Variants in UBE2L6 observed in about 807,000 individuals in gnomAD.
The protein encoded by UBE2L6 is ubiquitin/ISG15-conjugating enzyme E2 L6.
A neutral mutation model predicts 13.6 loss-of-function variants in UBE2L6; 11 were observed. The observed-to-expected ratio is 0.81, with a 90% confidence interval of 0.51 to 1.34. The LOEUF (loss-of-function observed/expected upper bound fraction) is 1.34, where lower values mean the gene tolerates loss of function less well. UBE2L6 is among the 40% of genes most tolerant of loss of function. The pLI, the probability that UBE2L6 is intolerant of heterozygous loss-of-function variation, is 0.00. For missense variants in UBE2L6, 197 were observed against 199.5 expected, an observed-to-expected ratio of 0.99 and a Z score of 0.07; for synonymous variants, 74 against 83.2, an observed-to-expected ratio of 0.89 and a Z score of 0.60.
chr11:57,552,447 G>C lies in UBE2L6; in HGVS notation c.373C>G (p.Leu125Val), dbSNP rs756289971. 1.2e-6 allele frequency: 2 copies of C among 1,614,172 alleles called. No homozygotes were observed. The highest frequency in any genetic ancestry group is 2.2e-5 in the South Asian group (2 of 91,086). Reference protein sequence around the residue: ...PNIREPLRMDLADLLTQNPEL... With the variant: ...PNIREPLRMDVADLLTQNPEL... ...GGATTCTGTGTCAGCAGGTCAGCGA[G>C]GTCCATCCGCAGGGGCTCCCTGATA... Residue 125 changes from leucine to valine, a missense_variant, in exon 4 of 4, where the codon CTC (leucine) becomes GTC (valine). By Grantham distance (32) the Leu-to-Val change is conservative. Coordinates refer to ENST00000287156, the MANE Select transcript of UBE2L6 (RefSeq NM_004223.5).
rs1007914900 is a variant in UBE2L6, at chr11:57,564,758, G to C, written c.27+2827C>G. On this transcript the variant is annotated intron_variant, in intron 1 of 3. Coordinates refer to ENST00000287156, the MANE Select transcript of UBE2L6 (RefSeq NM_004223.5). ...GCGGAGGTTGCAGTGAGCTGAGATC[G>C]TGCCATTGCACTCCAGCCTGGGCAA... is the stretch of plus-strand genomic sequence containing the variant. Among the ~76,000 whole-genome samples, 7 of 151,660 alleles carry C rather than the reference G, an allele frequency of 4.6e-5. No homozygotes were observed. In the South Asian group the frequency reaches 1.5e-3, roughly 32 times the overall value.
At chr11:57,564,628 C>A (rs1290509572) in intron 1 of UBE2L6, among the ~76,000 whole-genome samples, 2 of 151,912 alleles carry the variant, frequency 1.3e-5, no homozygotes, top group African/African-American at 4.8e-5. Context: ...CATGGTGAAA[C>A]CACATCTCTA....
At chr11:57,567,021 A>G (rs1945098322) in intron 1 of UBE2L6, 1 of 442,808 alleles carries the variant, frequency 2.3e-6, no homozygotes, top group South Asian at 1.6e-5. Context: ...AACGCAAGCC[A>G]CCTACTCCAG....
chr11:57,567,834 G>A (rs1290862235), upstream of UBE2L6: 2 of 484,504 alleles, frequency 4.1e-6, no homozygotes, highest in Admixed American at 4.3e-5. Context: ...CGGAAGGCTC[G>A]GACCCGGGAC....
intron 1 of UBE2L6, among the ~76,000 whole-genome samples, chr11:57,560,978 T>C (rs957303517): frequency 2.0e-5 from 3 of 152,118 alleles, no homozygotes; most frequent in African/African-American, 7.2e-5. Context: ...CTGGTACACC[T>C]AGGTACTAGG....
intron 1 of UBE2L6, 110 bp downstream of exon 1, chr11:57,567,475 C>A (rs1945101723): frequency 1.3e-5 from 19 of 1,469,134 alleles, no homozygotes; most frequent in Non-Finnish European, 1.7e-5. Flanking sequence ...AGCCCTGGTG[C>A]CCAGACAAAT....
intron 1 of UBE2L6, 33 bp downstream of exon 1, chr11:57,567,552 C>A: frequency 2.5e-6 from 4 of 1,603,364 alleles, no homozygotes; most frequent in Non-Finnish European, 3.4e-6. Context: ...GCGAGGGGAG[C>A]CAAGAGAAAG....
At position 57,558,607 on chromosome 11, in the gene UBE2L6, G is replaced by C. The variant is rs151182909; in HGVS notation, c.123+1730C>G. ...CCTCATATGTCGTGTGCTTAAAACA[G>C]CACTTGGTCCACAGGAAACTCTCAA... On this transcript the variant is annotated intron_variant, in intron 2 of 3. Coordinates refer to ENST00000287156, the MANE Select transcript of UBE2L6 (RefSeq NM_004223.5). Among the ~76,000 whole-genome samples the C allele has an allele frequency of 3.3e-3, 499 of 152,268 alleles. 3 individuals are homozygous for C. Among genetic ancestry groups the C allele is most frequent in the African/African-American group, 0.011 (470 of 41,562 alleles).
rs770938803 is a variant in UBE2L6 at position 57,567,605 on chromosome 11, C to G, written c.7G>C (p.Ala3Pro). MM[A>P]SMRVVKELED... is the part of the protein sequence containing the mutation. ...GTTACCTTCACCACTCGCATGCTCG[C>G]CATCATGTCGGGACCGAGTGTGTGG... Residue 3 changes from alanine (A) to proline (P), a missense_variant, in exon 1 of 4, where the codon GCG becomes CCG. Physicochemically the swap from Ala to Pro is conservative, Grantham distance 27. Transcript: ENST00000287156. The G allele has an allele frequency of 8.1e-6, 13 of 1,608,446 alleles. No individual in the cohort carries two copies. The South Asian group carries it at 1.2e-4, about 15-fold the overall frequency.
chr11:57,560,337 G>A lies in UBE2L6; in HGVS notation c.123C>T (p.Pro41=), dbSNP rs752245406. ...NVLVWHALLL[P]DQPPYHLKAF... is the part of the protein sequence containing the mutation. ...AGCCATGGTCCCCATGGATACTCAC[G>A]GGTAGGAGGAGAGCGTGCCACACCA... is the stretch of plus-strand genomic sequence containing the variant. Residue 41 remains proline (P), a splice_region_variant and synonymous_variant, in exon 2 of 4, where the codon CCC becomes CCT. Coordinates refer to ENST00000287156, the MANE Select transcript of UBE2L6 (RefSeq NM_004223.5). 5.0e-6 allele frequency: 8 copies of A among 1,613,230 alleles called. No individual in the cohort carries two copies. The highest frequency in any genetic ancestry group is 3.3e-4 in the Middle Eastern group (2 of 6,074).
rs1489590163 is a variant in UBE2L6, at chr11:57,567,082, G to A, written c.27+503C>T. The A allele has an allele frequency of 6.6e-6, 3 of 456,172 alleles. No homozygotes were observed. In the Admixed American group the frequency reaches 7.1e-5, roughly 11 times the overall value. The allele number at this position is 456,172 out of a possible 1,614,324, so 28.3% of individuals were successfully genotyped here. On this transcript the variant is annotated intron_variant, in intron 1 of 3. Transcript: ENST00000287156. The stretch of plus-strand genomic sequence containing the variant: ...TCTTTTCCTCCAGAGAATACTCAGG[G>A]AACTTTGTCCCAAATTCTAATCAGC...
intron 1 of UBE2L6, 47 bp downstream of exon 1, chr11:57,567,538 G>A: frequency 1.3e-6 from 2 of 1,597,722 alleles, no homozygotes; most frequent in Non-Finnish European, 1.7e-6. Context: ...AGGGAATGCG[G>A]GAGGCGAGGG....
intron 1 of UBE2L6, among the ~76,000 whole-genome samples, chr11:57,566,704 G>C (rs751403500): frequency 6.6e-6 from 1 of 152,006 alleles, no homozygotes; most frequent in African/African-American, 2.4e-5. Flanking sequence ...AGGGTAGCAG[G>C]CACCCTCTTC....
chr11:57,563,261 A>T (rs1945060727), intron 1 of UBE2L6, among the ~76,000 whole-genome samples: 1 of 151,956 alleles, frequency 6.6e-6, no homozygotes, highest in South Asian at 2.1e-4. Context: ...AGGCCGAGGC[A>T]GTCAGATCAC....
At chr11:57,567,544 G>A (rs982712078) in intron 1 of UBE2L6, 41 bp downstream of exon 1, 9 of 1,600,696 alleles carry the variant, frequency 5.6e-6, no homozygotes, top group African/African-American at 4.0e-5. Context: ...TGCGGGAGGC[G>A]AGGGGAGCCA....
intron 1 of UBE2L6, 46 bp downstream of exon 1, chr11:57,567,539 G>T (rs201908388): frequency 1.9e-6 from 3 of 1,598,324 alleles, no homozygotes; most frequent in Non-Finnish European, 2.6e-6. Context: ...GGGAATGCGG[G>T]AGGCGAGGGG....
chr11:57,562,681 T>C (rs772659907), intron 1 of UBE2L6, among the ~76,000 whole-genome samples: 4 of 152,182 alleles, frequency 2.6e-5, no homozygotes, highest in Non-Finnish European at 5.9e-5. Context: ...AATGAGAGTC[T>C]CTACCTGGTA....
intron 1 of UBE2L6, among the ~76,000 whole-genome samples, chr11:57,560,912 G>A (rs1014346866): frequency 2.0e-5 from 3 of 151,618 alleles, no homozygotes; most frequent in South Asian, 2.1e-4. Flanking sequence ...GAGCTACCGC[G>A]CCCAGCCGGT....
At chr11:57,566,779 C>T (rs913667169) in intron 1 of UBE2L6, among the ~76,000 whole-genome samples, 4 of 152,100 alleles carry the variant, frequency 2.6e-5, no homozygotes, top group African/African-American at 9.7e-5. Context: ...GGGTGCCAGA[C>T]TCACTTCACC....
Sources: allele counts gnomAD v4.1 joint callset (sites outside exome capture counted in the v4.1 genomes callset), GRCh38; gene constraint gnomAD v4.1.1; transcripts MANE v1.5; gene names NCBI Gene and HGNC (gene_info 2026-07-23, HGNC 2026-07-21).